Variants in PEX1 observed in about 807,000 individuals in gnomAD.
The protein encoded by PEX1 is peroxisomal ATPase PEX1.
PEX1 carries 97 observed loss-of-function variants against 152.5 expected under a neutral mutation model. The ratio of observed to expected loss-of-function variants is 0.64; its 90% CI spans 0.54 to 0.75. PEX1 has a LOEUF of 0.75. PEX1 is among the 30% of genes least tolerant of loss of function. PEX1 has a pLI of 0.00. For synonymous variants in PEX1, 485 were observed against 531.6 expected, an observed-to-expected ratio of 0.91 and a Z score of 1.21; for missense variants, 1,357 against 1,516.3, an observed-to-expected ratio of 0.89 and a Z score of 1.74.
chr7:92,507,382 G>A (rs998075424), intron 9 of PEX1: 1 of 395,742 alleles, frequency 2.5e-6, no homozygotes, highest in Admixed American at 3.8e-5. Context: ...GGGACTTCAG[G>A]AGTGTAACAC....
intron 15 of PEX1, among the ~76,000 whole-genome samples, chr7:92,500,271 G>A (rs1328464185): frequency 1.3e-5 from 2 of 152,072 alleles, no homozygotes; most frequent in South Asian, 2.1e-4. Flanking sequence ...ACAAATAATC[G>A]ACTGCTTCTC....
At chr7:92,509,222 A>T in intron 9 of PEX1, 107 bp downstream of exon 9, 3 of 768,826 alleles carry the variant, frequency 3.9e-6, no homozygotes, top group Non-Finnish European at 6.9e-6. Context: ...TGCATTATTA[A>T]GATCACTTAT....
At chr7:92,501,364 T>C (rs909014513) in intron 15 of PEX1, 143 bp downstream of exon 15, 3 of 655,740 alleles carry the variant, frequency 4.6e-6, no homozygotes, top group Non-Finnish European at 8.0e-6. Context: ...GTACCTAAAA[T>C]AGTGTTAAGA....
At chr7:92,507,410 G>A (rs1343163244) in intron 9 of PEX1, 1 of 334,208 alleles carries the variant, frequency 3.0e-6, no homozygotes, top group East Asian at 7.1e-5. Flanking sequence ...AGCTGATTGG[G>A]TTTTTTGTGT....
intron 17 of PEX1, among the ~76,000 whole-genome samples, chr7:92,496,393 T>TA (rs1381873891): frequency 6.6e-6 from 1 of 152,148 alleles, no homozygotes; most frequent in East Asian, 1.9e-4. Flanking sequence ...ATTTAGAACT[T>TA]ACAAAATTTA....
At chr7:92,505,238 C>A (rs1792131299) in intron 11 of PEX1, among the ~76,000 whole-genome samples, 1 of 151,626 alleles carries the variant, frequency 6.6e-6, no homozygotes, top group Admixed American at 6.6e-5. Flanking sequence ...ATGGTGAAAC[C>A]CCATCTCTAC....
At chr7:92,519,100 A>G (rs755485542) in intron 2 of PEX1, 22 bp from the exon 3 acceptor site, 1 of 1,396,292 alleles carries the variant, frequency 7.2e-7, no homozygotes, top group Admixed American at 1.7e-5. Context: ...TAAAAATTTA[A>G]AACTACTTTA....
At chr7:92,498,576 C>G (rs1171212045) in intron 16 of PEX1, among the ~76,000 whole-genome samples, 1 of 152,098 alleles carries the variant, frequency 6.6e-6, no homozygotes, top group East Asian at 1.9e-4. Context: ...ATACACGATT[C>G]CTTTGTCTTG....
chr7:92,528,428 C>T lies in PEX1; in HGVS notation c.8G>A (p.Gly3Asp). MW[G>D]SDRLAGAGGG... is the part of the protein sequence containing the mutation. ...CCCAGCACCCGCCAGGCGATCGCTG[C>T]CCCACATCGTCCCGGAGCGTCGCTC... Residue 3 changes from glycine to aspartate, a missense_variant, in exon 1 of 24, where the codon GGC becomes GAC. Gly to Asp is a moderately conservative substitution (Grantham distance 94, BLOSUM62 -1). Coordinates refer to ENST00000248633, the MANE Select transcript of PEX1 (RefSeq NM_000466.3). 6.3e-7 allele frequency: 1 copy of T among 1,592,648 alleles called. No homozygotes were observed. The highest frequency in any genetic ancestry group is 8.5e-7 in the Non-Finnish European group (1 of 1,171,292).
chr7:92,520,503 G>C (rs1793002358), intron 2 of PEX1, among the ~76,000 whole-genome samples: 1 of 152,214 alleles, frequency 6.6e-6, no homozygotes. Context: ...TGGGAAATTA[G>C]TAATAGAGAG....
chr7:92,500,262 C>CAAAT (rs1791863162), intron 15 of PEX1, among the ~76,000 whole-genome samples: 1 of 152,168 alleles, frequency 6.6e-6, no homozygotes. Context: ...CCAGGCTGAA[C>CAAAT]AAATAATCGA....
At chr7:92,504,422 T>A (rs946485143) in intron 12 of PEX1, among the ~76,000 whole-genome samples, 3 of 152,098 alleles carry the variant, frequency 2.0e-5, no homozygotes, top group Non-Finnish European at 4.4e-5. Context: ...GAATACAGAC[T>A]GTGCACAAGC....
Position 92,518,220 on chromosome 7 carries a change from TAGA to T in PEX1, c.390_392del (p.Leu131del). On this transcript the variant is annotated inframe_deletion, in exon 4 of 24. Transcript: ENST00000248633. The stretch of plus-strand genomic sequence containing the variant: ...TTGGAAAAACTATTCGAATTTGATC[TAGA>T]AGATGTTGTTCAAGGGAAACAGCAT... 6.2e-7 allele frequency: 1 copy of T among 1,613,256 alleles called. No homozygotes were observed.
At chr7:92,525,143 T>C (rs113570661) in intron 1 of PEX1, among the ~76,000 whole-genome samples, 52 of 152,336 alleles carry the variant, frequency 3.4e-4, no homozygotes, top group African/African-American at 1.2e-3. Flanking sequence ...TTAATTTTTA[T>C]GTCAAAATAC....
chr7:92,522,615 G>A (rs1288710935), intron 1 of PEX1, among the ~76,000 whole-genome samples: 1 of 152,152 alleles, frequency 6.6e-6, no homozygotes. Context: ...AGCTATCTGT[G>A]CAGTATTTTC....
chr7:92,507,544 C>T, intron 9 of PEX1: 1 of 172,738 alleles, frequency 5.8e-6, no homozygotes, highest in Non-Finnish European at 1.2e-5. Context: ...AGCCACCATG[C>T]TCAGACTAGT....
intron 10 of PEX1, 21 bp downstream of exon 10, chr7:92,506,973 G>T: frequency 1.2e-6 from 2 of 1,612,292 alleles, no homozygotes; most frequent in Non-Finnish European, 1.7e-6. Context: ...ACAGAAAAAT[G>T]AACACACCTT....
chr7:92,502,972 C>A lies in PEX1; in HGVS notation c.2226+69G>T. 3.0e-6 allele frequency: 4 copies of A among 1,322,568 alleles called. No homozygotes were observed. In the South Asian group the frequency reaches 4.9e-5, roughly 16 times the overall value. 81.9% of individuals were successfully genotyped at this position (1,322,568 alleles called of 1,614,324 possible). ...AGCATAAATTTAAAGCCACGAATTA[C>A]TAATAAAATTGAAAAATAATTTCTA... On this transcript the variant is annotated intron_variant, in intron 13 of 23. Transcript: ENST00000248633.
intron 12 of PEX1, among the ~76,000 whole-genome samples, chr7:92,503,507 G>A (rs1792035054): frequency 6.6e-6 from 1 of 152,138 alleles, no homozygotes; most frequent in South Asian, 2.1e-4. Flanking sequence ...ATTTGTCTCT[G>A]AAATAAATAT....
Sources: allele counts gnomAD v4.1 joint callset (sites outside exome capture counted in the v4.1 genomes callset), GRCh38; gene constraint gnomAD v4.1.1; transcripts MANE v1.5; gene names NCBI Gene and HGNC (gene_info 2026-07-23, HGNC 2026-07-21).